CUEDC1: variants seen among roughly 807,000 people sequenced by gnomAD.
CUEDC1 encodes the protein CUE domain-containing protein 1.
A neutral mutation model predicts 43.7 loss-of-function variants in CUEDC1; 30 were observed. That is an observed-to-expected ratio of 0.69 (90% confidence interval 0.51 to 0.93). The LOEUF is 0.93. CUEDC1 is among the 40% of genes least tolerant of loss of function. CUEDC1 has a pLI of 0.00. For synonymous variants in CUEDC1, 223 were observed against 223.6 expected, an observed-to-expected ratio of 1.00 and a Z score of 0.02; for missense variants, 486 against 549.0, an observed-to-expected ratio of 0.89 and a Z score of 1.15.
At chr17:57,915,795 G>T (rs1388750118) in intron 1 of CUEDC1, among the ~76,000 whole-genome samples, 1 of 152,220 alleles carries the variant, frequency 6.6e-6, no homozygotes, top group Non-Finnish European at 1.5e-5. Context: ...GTTGTTAAGA[G>T]CCTGGGAAGG....
chr17:57,889,879 A>C (rs1182231692), intron 1 of CUEDC1, among the ~76,000 whole-genome samples: 1 of 152,208 alleles, frequency 6.6e-6, no homozygotes, highest in Non-Finnish European at 1.5e-5. Flanking sequence ...CTCAGGGCAG[A>C]GTCTGAGGCC....
chr17:57,905,882 T>C (rs972342712), intron 1 of CUEDC1, among the ~76,000 whole-genome samples: 8 of 152,238 alleles, frequency 5.3e-5, no homozygotes, highest in Non-Finnish European at 2.9e-5. Context: ...GCTCTTTGCT[T>C]CATGTACCTC....
chr17:57,867,269 C>T (rs2073972445), intron 9 of CUEDC1, 88 bp downstream of exon 9: 5 of 1,218,122 alleles, frequency 4.1e-6, no homozygotes, highest in South Asian at 1.3e-5. Flanking sequence ...GGGGACAGGG[C>T]GGGTGCTCCC....
In CUEDC1 at chr17:57,872,688, G is replaced by A. The variant is rs528217769; in HGVS notation, c.759C>T (p.Arg253=). The A allele has an allele frequency of 6.3e-5, 101 of 1,614,146 alleles. No homozygotes were observed. Among genetic ancestry groups the A allele is most frequent in the South Asian group, 2.6e-4 (24 of 91,088 alleles). ...EEFMKELQRN[R]DFLLALERDR... ...CTCTCTCCAGAGCGAGGAGGAAGTC[G>A]CGGTTCCGTTGCAGCTCCTTCATGA... Residue 253 remains arginine, a synonymous_variant, in exon 5 of 11, where the codon CGC becomes CGT. Coordinates refer to ENST00000577830, the MANE Select transcript of CUEDC1 (RefSeq NM_001271875.2).
At chr17:57,883,166 T>C (rs1783042518) in intron 2 of CUEDC1, among the ~76,000 whole-genome samples, 1 of 152,018 alleles carries the variant, frequency 6.6e-6, no homozygotes, top group African/African-American at 2.4e-5. Flanking sequence ...AGAGAGACAA[T>C]AGAAAACTGT....
At position 57,861,807 on chromosome 17, in the gene CUEDC1, C is replaced by G. The variant is rs927047466; in HGVS notation, c.*1482G>C. 1 of 151,288 alleles carries G rather than the reference C, an allele frequency of 6.6e-6. No homozygotes were observed. Among genetic ancestry groups the G allele is most frequent in the Non-Finnish European group, 1.5e-5 (1 of 67,730 alleles). The allele number at this position is 151,288 out of a possible 1,614,324, so 9.4% of individuals were successfully genotyped here. A position where few individuals can be genotyped will look rare whatever the true frequency, so the allele number is the denominator to read the frequency against. ...GTACCGAGGCACTCCTCGGAGACCCCCCCCCCTCCCTCCAGGGCCCCAGGC... is the reference window on the plus strand; with the variant it reads ...GTACCGAGGCACTCCTCGGAGACCCGCCCCCCTCCCTCCAGGGCCCCAGGC... On this transcript the variant is annotated 3_prime_UTR_variant, in exon 11 of 11. Coordinates refer to ENST00000577830, the MANE Select transcript of CUEDC1 (RefSeq NM_001271875.2).
chr17:57,924,911 A>G (rs979111887), intron 1 of CUEDC1, among the ~76,000 whole-genome samples: 3 of 152,218 alleles, frequency 2.0e-5, no homozygotes, highest in African/African-American at 7.2e-5. Flanking sequence ...GAGGCTTAAA[A>G]TAAAGATGAG....
At chr17:57,879,231 T>G (rs2074170608) in intron 3 of CUEDC1, among the ~76,000 whole-genome samples, 2 of 152,122 alleles carry the variant, frequency 1.3e-5, no homozygotes, top group Admixed American at 1.3e-4. Flanking sequence ...AAGAGCACAG[T>G]GATGAATCAG....
At chr17:57,916,723 C>T (rs1309788331) in intron 1 of CUEDC1, among the ~76,000 whole-genome samples, 2 of 152,290 alleles carry the variant, frequency 1.3e-5, no homozygotes, top group South Asian at 4.1e-4. Context: ...CTCGCCTGGG[C>T]CCCGCTCTCG....
intron 2 of CUEDC1, among the ~76,000 whole-genome samples, chr17:57,881,189 C>G (rs538009886): frequency 6.6e-6 from 1 of 152,222 alleles, no homozygotes; most frequent in Admixed American, 6.5e-5. Flanking sequence ...CACACACACG[C>G]GCACATGCAC....
chr17:57,899,037 C>A (rs373224331), intron 1 of CUEDC1, among the ~76,000 whole-genome samples: 1 of 152,134 alleles, frequency 6.6e-6, no homozygotes, highest in Non-Finnish European at 1.5e-5. Context: ...CCTTCTCTGG[C>A]AGCTGAGGAA....
intron 1 of CUEDC1, among the ~76,000 whole-genome samples, chr17:57,886,914 G>T (rs2074297881): frequency 6.6e-6 from 1 of 151,384 alleles, no homozygotes; most frequent in Admixed American, 6.6e-5. Flanking sequence ...CGCTTCCCGG[G>T]TTCACACCAT....
intron 2 of CUEDC1, among the ~76,000 whole-genome samples, chr17:57,882,667 C>A (rs2074228338): frequency 6.6e-6 from 1 of 152,128 alleles, no homozygotes; most frequent in Non-Finnish European, 1.5e-5. Flanking sequence ...CAAAACCAAC[C>A]CCTCCTGTCC....
rs147077959 is a variant in CUEDC1 at position 57,862,895 on chromosome 17, G to A, written c.*394C>T. ...GACGGAGGCAGAGACTCCACCTTCAGGCCAAAGAGCCTCTGGTGGGGGTCA... is the reference window on the plus strand; with the variant it reads ...GACGGAGGCAGAGACTCCACCTTCAAGCCAAAGAGCCTCTGGTGGGGGTCA... On this transcript the variant is annotated 3_prime_UTR_variant, in exon 11 of 11. Coordinates refer to ENST00000577830, the MANE Select transcript of CUEDC1 (RefSeq NM_001271875.2). 1 of 152,354 alleles carries A rather than the reference G, an allele frequency of 6.6e-6. No individual in the cohort carries two copies. The highest frequency in any genetic ancestry group is 1.9e-4 in the East Asian group (1 of 5,188). 9.4% of individuals were successfully genotyped at this position (152,354 alleles called of 1,614,324 possible).
At chr17:57,904,844 A>G (rs2074511691) in intron 1 of CUEDC1, among the ~76,000 whole-genome samples, 1 of 152,080 alleles carries the variant, frequency 6.6e-6, no homozygotes, top group African/African-American at 2.4e-5. Flanking sequence ...TGTTCAGGGA[A>G]GCTACCTGCT....
At chr17:57,875,609 T>C (rs543924423) in intron 3 of CUEDC1, among the ~76,000 whole-genome samples, 2 of 152,018 alleles carry the variant, frequency 1.3e-5, no homozygotes, top group Non-Finnish European at 2.9e-5. Flanking sequence ...GCTGTAATTT[T>C]AACGGAAAAA....
intron 1 of CUEDC1, among the ~76,000 whole-genome samples, chr17:57,904,892 G>A (rs1351520055): frequency 1.3e-5 from 2 of 152,092 alleles, no homozygotes; most frequent in Non-Finnish European, 1.5e-5. Flanking sequence ...GCCACCCACC[G>A]GGTCCAACTC....
chr17:57,868,841 C>G (rs2073997138), intron 7 of CUEDC1, among the ~76,000 whole-genome samples: 1 of 152,236 alleles, frequency 6.6e-6, no homozygotes, highest in African/African-American at 2.4e-5. Context: ...CCTCGAGCCA[C>G]AGAGAACGTG....
In CUEDC1 at chr17:57,917,361, G is replaced by A. The variant is rs111674045; in HGVS notation, c.-315-31482C>T. On this transcript the variant is annotated intron_variant, in intron 1 of 10. Transcript: ENST00000577830. ...GACTGGCACTCATTGTTCATCAGGT[G>A]ACACATACTAAGTGCCACTTAGCAC... Among the ~76,000 whole-genome samples the A allele has an allele frequency of 1.3e-3, 192 of 152,294 alleles. 1 individual carries two copies. Among genetic ancestry groups the A allele is most frequent in the African/African-American group, 4.1e-3 (170 of 41,552 alleles).
Sources: gnomAD v4.1 joint callset for allele counts (sites outside exome capture counted in the v4.1 genomes callset) on GRCh38, gnomAD v4.1.1 for gene constraint, MANE v1.5 for transcripts, NCBI Gene and HGNC (gene_info 2026-07-23, HGNC 2026-07-21) for gene names.